Variants in SOD2 observed in about 807,000 individuals in gnomAD.
The protein encoded by SOD2 is superoxide dismutase [Mn], mitochondrial.
SOD2 carries 11 observed loss-of-function variants against 27.0 expected under a neutral mutation model. The observed-to-expected ratio is 0.41, with a 90% CI of 0.26 to 0.67. SOD2 has a LOEUF of 0.67. SOD2 is among the 30% of genes least tolerant of loss of function. SOD2 has a pLI of 0.34. For synonymous variants in SOD2, 105 were observed against 103.0 expected, an observed-to-expected ratio of 1.02 and a Z score of -0.12; for missense variants, 250 against 274.5, an observed-to-expected ratio of 0.91 and a Z score of 0.63.
At chr6:159,713,242 T>C (rs1762307194) in intron 1 of SOD2, 5 of 758,176 alleles carry the variant, frequency 6.6e-6, no homozygotes, top group Admixed American at 4.6e-5. Context: ...TAAAGCCATA[T>C]CCATCATTAC....
Position 159,669,613 on chromosome 6 carries a change from C to G in SOD2, c.*12880G>C, listed in dbSNP as rs1779612984. ...TTTGAGACCCAGAGTTTGAGACTAG[C>G]CAGGCAACATAGCATAACCCCATCT... On this transcript the variant is annotated 3_prime_UTR_variant, in exon 5 of 5. Transcript: ENST00000538183. 6.6e-6 allele frequency: 1 copy of G among 151,984 alleles called. No homozygotes were observed. The highest frequency in any genetic ancestry group is 2.4e-5 in the African/African-American group (1 of 41,372). 9.4% of individuals were successfully genotyped at this position (151,984 alleles called of 1,614,324 possible).
chr6:159,690,681 T>A (rs1158282542), intron 2 of SOD2, among the ~76,000 whole-genome samples: 1 of 152,168 alleles, frequency 6.6e-6, no homozygotes, highest in Admixed American at 6.5e-5. Flanking sequence ...TAAAAATAGA[T>A]GTAACTTTTC....
intron 1 of SOD2, among the ~76,000 whole-genome samples, chr6:159,756,897 C>G (rs1410996914): frequency 6.6e-6 from 1 of 152,086 alleles, no homozygotes; most frequent in Non-Finnish European, 1.5e-5. Context: ...AGCTACAGCT[C>G]CTGGCCCTTT....
intron 1 of SOD2, among the ~76,000 whole-genome samples, chr6:159,741,005 T>G (rs1779225291): frequency 6.6e-6 from 1 of 152,180 alleles, no homozygotes; most frequent in Non-Finnish European, 1.5e-5. Context: ...TTCATTATGT[T>G]GTAATATTAA....
At chr6:159,759,337 G>A (rs1780075870) in intron 1 of SOD2, among the ~76,000 whole-genome samples, 1 of 147,274 alleles carries the variant, frequency 6.8e-6, no homozygotes, top group Admixed American at 6.7e-5. Context: ...GGGATTACAG[G>A]CATGAGCCAC....
At chr6:159,705,875 G>A (rs1201893619) in intron 1 of SOD2, among the ~76,000 whole-genome samples, 4 of 151,980 alleles carry the variant, frequency 2.6e-5, no homozygotes, top group Admixed American at 1.3e-4. Context: ...GAGAAAGGTC[G>A]GGTTACCCAC....
At chr6:159,712,396 ACTCACACT>A (rs1249508838) in intron 1 of SOD2, among the ~76,000 whole-genome samples, 8 of 100,468 alleles carry the variant, frequency 8.0e-5, no homozygotes, top group Non-Finnish European at 1.3e-4. Context: ...CATAACCACC[ACTCACACT>A]GCTCTGATCA....
chr6:159,759,020 G>C (rs1780069517), intron 1 of SOD2, among the ~76,000 whole-genome samples: 1 of 151,864 alleles, frequency 6.6e-6, no homozygotes, highest in Non-Finnish European at 1.5e-5. Context: ...CACCAGTCCA[G>C]GTAGTTTATG....
intron 1 of SOD2, among the ~76,000 whole-genome samples, chr6:159,758,571 C>T (rs756957274): frequency 3.9e-5 from 6 of 152,180 alleles, no homozygotes; most frequent in South Asian, 2.1e-4. Context: ...TGCTGCTCTA[C>T]GTCACTGTCT....
chr6:159,752,372 A>G (rs1238387697), intron 1 of SOD2, among the ~76,000 whole-genome samples: 1 of 152,142 alleles, frequency 6.6e-6, no homozygotes, highest in African/African-American at 2.4e-5. Flanking sequence ...TTTTTTCATA[A>G]ATAATTACAA....
chr6:159,731,342 C>T (rs913757836), upstream of SOD2, among the ~76,000 whole-genome samples: 8 of 151,670 alleles, frequency 5.3e-5, no homozygotes, highest in African/African-American at 1.2e-4. Context: ...GTGGTTCATG[C>T]CTGTGATCCC....
chr6:159,698,782 A>C (rs1777475616), intron 1 of SOD2, among the ~76,000 whole-genome samples: 1 of 151,956 alleles, frequency 6.6e-6, no homozygotes, highest in Admixed American at 6.6e-5. Flanking sequence ...GTGTTCTTAA[A>C]GTAAGCTAGA....
upstream of SOD2, among the ~76,000 whole-genome samples, chr6:159,747,518 T>A (rs1310412078): frequency 6.6e-6 from 1 of 152,226 alleles, no homozygotes; most frequent in Non-Finnish European, 1.5e-5. Flanking sequence ...TAAGGTCCTA[T>A]AGAGTTTTGC....
At position 159,674,081 on chromosome 6, in the gene SOD2, C is replaced by T. The variant is rs191518860; in HGVS notation, c.*8412G>A. 1 of 152,096 alleles carries T rather than the reference C, an allele frequency of 6.6e-6. No homozygotes were observed. Among genetic ancestry groups the T allele is most frequent in the Non-Finnish European group, 1.5e-5 (1 of 68,000 alleles). 9.4% of individuals were successfully genotyped at this position (152,096 alleles called of 1,614,324 possible). A position where few individuals can be genotyped will look rare whatever the true frequency, so the allele number is the denominator to read the frequency against. On this transcript the variant is annotated 3_prime_UTR_variant, in exon 5 of 5. Transcript: ENST00000538183. ...AATCCCTGAATAGACCAATAACAGG[C>T]TCTGAAATTGAGGCAATAATTAATA...
intron 1 of SOD2, chr6:159,755,352 A>C: frequency 6.2e-7 from 1 of 1,614,260 alleles, no homozygotes; most frequent in Non-Finnish European, 8.5e-7. Context: ...GGGAATGGTA[A>C]TAAGTCCTCC....
upstream of SOD2, chr6:159,727,680 C>T (rs1246970872): frequency 1.0e-6 from 1 of 984,202 alleles, no homozygotes; most frequent in Non-Finnish European, 1.2e-6. Flanking sequence ...ACCGGTGGCG[C>T]CGGCGCGGCT....
chr6:159,673,669 A>G lies in SOD2; in HGVS notation c.*8824T>C, dbSNP rs1779714832. 6.6e-6 allele frequency: 1 copy of G among 152,240 alleles called. No homozygotes were observed. Among genetic ancestry groups the G allele is most frequent in the Non-Finnish European group, 1.5e-5 (1 of 68,044 alleles). 9.4% of individuals were successfully genotyped at this position (152,240 alleles called of 1,614,324 possible). ...AGGAAAGATCTAAAATTGACACTCT[A>G]ACATCACAATTAAAAATATTAGAGA... On this transcript the variant is annotated 3_prime_UTR_variant, in exon 5 of 5. Coordinates refer to ENST00000538183, the MANE Select transcript of SOD2 (RefSeq NM_000636.4).
intron 1 of SOD2, among the ~76,000 whole-genome samples, chr6:159,722,076 A>AT (rs1257926811): frequency 1.3e-5 from 2 of 152,048 alleles, no homozygotes; most frequent in Non-Finnish European, 2.9e-5. Context: ...TAAAAAAAAA[A>AT]AGAAAAAAAA....
chr6:159,710,218 C>A (rs1231654510), intron 1 of SOD2, among the ~76,000 whole-genome samples: 1 of 150,994 alleles, frequency 6.6e-6, no homozygotes, highest in Non-Finnish European at 1.5e-5. Context: ...ACATATGTAA[C>A]AAACCTGCAC....
Sources: allele counts gnomAD v4.1 joint callset (sites outside exome capture counted in the v4.1 genomes callset), GRCh38; gene constraint gnomAD v4.1.1; transcripts MANE v1.5; gene names NCBI Gene and HGNC (gene_info 2026-07-23, HGNC 2026-07-21).